FMR1: variants seen among roughly 807,000 people sequenced by gnomAD.
FMR1 encodes the protein fragile X messenger ribonucleoprotein 1.
Under a neutral mutation model 50.6 loss-of-function variants are expected in FMR1, and 13 were observed. The observed-to-expected ratio is 0.26, with a 90% confidence interval of 0.17 to 0.41. The LOEUF (loss-of-function observed/expected upper bound fraction) is 0.41, where lower values mean the gene tolerates loss of function less well. FMR1 is among the 10% of genes least tolerant of loss of function. FMR1 has a pLI of 1.00. For missense variants in FMR1, 316 were observed against 491.3 expected (o/e 0.64, Z 3.37); for synonymous variants, 138 against 164.1 (o/e 0.84, Z 1.22).
At chrX:147,916,332 A>G (rs1228257251) in intron 1 of FMR1, among the ~76,000 whole-genome samples, 1 of 112,158 alleles carries the variant, frequency 8.9e-6, no homozygotes, top group Non-Finnish European at 1.9e-5. Flanking sequence ...TTTGTAGCCT[A>G]TATGAAGTCC....
At chrX:147,935,759 GA>G (rs1466838202) in intron 9 of FMR1, among the ~76,000 whole-genome samples, 2 of 112,002 alleles carry the variant, frequency 1.8e-5, no homozygotes, top group Non-Finnish European at 3.8e-5. Context: ...AGATGTTACT[GA>G]AAAATACTTA....
At position 147,930,217 on chromosome X, in the gene FMR1, A is replaced by G; in HGVS notation, c.603A>G (p.Arg201=). ...GCACTAAGTTGTCTCTGATAATGAGAAATGAAGAAGCTAGTAAGCAGCTGG... is the reference window on the plus strand; with the variant it reads ...GCACTAAGTTGTCTCTGATAATGAGGAATGAAGAAGCTAGTAAGCAGCTGG... ...SLRTKLSLIM[R]NEEASKQLES... is the part of the protein sequence containing the mutation. Residue 201 remains arginine (R), a synonymous_variant, in exon 7 of 17, where the codon AGA becomes AGG. Coordinates refer to ENST00000370475, the MANE Select transcript of FMR1 (RefSeq NM_002024.6). 1 of 1,197,492 alleles carries G rather than the reference A, an allele frequency of 8.4e-7. No individual in the cohort carries two copies. Among genetic ancestry groups the G allele is most frequent in the Non-Finnish European group, 1.1e-6 (1 of 882,575 alleles).
chrX:147,918,051 T>C (rs1272758777), intron 1 of FMR1, among the ~76,000 whole-genome samples: 2 of 111,764 alleles, frequency 1.8e-5, no homozygotes, highest in Non-Finnish European at 1.9e-5. Flanking sequence ...ACATCAGCTT[T>C]GCCTGATAGG....
chrX:147,932,122 A>G (rs1353010069), intron 7 of FMR1, among the ~76,000 whole-genome samples: 3 of 111,839 alleles, frequency 2.7e-5, no homozygotes, highest in Non-Finnish European at 5.6e-5. Flanking sequence ...CTTAGTTATT[A>G]TATTGCTGAT....
chrX:147,946,781 A>G (rs1366751732), intron 16 of FMR1, among the ~76,000 whole-genome samples: 2 of 112,392 alleles, frequency 1.8e-5, no homozygotes, highest in Non-Finnish European at 3.8e-5. Context: ...ATTTGGGACC[A>G]TCACCCAAGA....
intron 9 of FMR1, among the ~76,000 whole-genome samples, chrX:147,935,950 A>G (rs1259338850): frequency 8.9e-6 from 1 of 112,217 alleles, no homozygotes; most frequent in Admixed American, 9.5e-5. Context: ...TTTTGGATGT[A>G]TGTATAGCTG....
chrX:147,945,482 GT>G (rs1443052729), intron 15 of FMR1, 51 bp from the exon 16 acceptor site: 1 of 1,000,394 alleles, frequency 1.0e-6, no homozygotes, highest in Non-Finnish European at 1.4e-6. Context: ...AGAACTTCCA[GT>G]AAGCATTTCA....
At chrX:147,927,572 C>T (rs2043434826) in intron 3 of FMR1, 1 of 111,599 alleles carries the variant, frequency 9.0e-6, no homozygotes, top group African/African-American at 3.3e-5. Context: ...CTGAGTATCC[C>T]TGTCTCTCTG....
At chrX:147,929,323 T>C (rs2043505262) in intron 5 of FMR1, among the ~76,000 whole-genome samples, 1 of 111,762 alleles carries the variant, frequency 8.9e-6, no homozygotes, top group African/African-American at 3.3e-5. Flanking sequence ...ATTAAGTGAA[T>C]ACAGTACGTT....
intron 12 of FMR1, 124 bp downstream of exon 12, chrX:147,938,285 G>A (rs2043860539): frequency 1.7e-6 from 1 of 588,267 alleles, no homozygotes; most frequent in African/African-American, 2.2e-5. Flanking sequence ...TTGTGGGTAT[G>A]TGGATCCATT....
rs781892784 is a variant in FMR1, at chrX:147,932,822, ATTT to A, written c.880+60_880+62del. 132 of 772,154 alleles carry A rather than the reference ATTT, an allele frequency of 1.7e-4. No individual in the cohort carries two copies. In the East Asian group the frequency reaches 4.1e-3, roughly 24 times the overall value. 63.6% of individuals were successfully genotyped at this position (772,154 alleles called of 1,213,427 possible). ...ACAACTAAGTTTAGGTAAACAGTTT[ATTT>A]ATAGTGATAGAATTCCATTTTTTCT... On this transcript the variant is annotated intron_variant, in intron 9 of 16. Transcript: ENST00000370475.
At chrX:147,945,654 A>T (rs782217705) in intron 16 of FMR1, 38 bp downstream of exon 16, 42 of 966,934 alleles carry the variant, frequency 4.3e-5, no homozygotes, top group Non-Finnish European at 5.6e-5. Context: ...TAATTGTTTG[A>T]ATATGGTAGT....
chrX:147,950,785 C>G lies in FMR1; in HGVS notation c.*1941C>G, dbSNP rs782586040. The G allele has an allele frequency of 9.7e-5, 30 of 308,145 alleles. No individual in the cohort carries two copies. Among genetic ancestry groups the G allele is most frequent in the South Asian group, 8.8e-4 (30 of 34,200 alleles). 25.4% of individuals were successfully genotyped at this position (308,145 alleles called of 1,213,427 possible). On this transcript the variant is annotated 3_prime_UTR_variant, in exon 17 of 17. Coordinates refer to ENST00000370475, the MANE Select transcript of FMR1 (RefSeq NM_002024.6). ...AAGTTAGCCTTTATCTACCAACTTT[C>G]AAGAACTTGTTTAATAAAGCGAAAA...
chrX:147,930,259 C>T lies in FMR1; in HGVS notation c.630+15C>T, dbSNP rs1402777833. 4 of 977,045 alleles carry T rather than the reference C, an allele frequency of 4.1e-6. No homozygotes were observed. The African/African-American group carries it at 7.6e-5, about 19-fold the overall frequency. The allele number at this position is 977,045 out of a possible 1,213,427, so 80.5% of individuals were successfully genotyped here. A position where few individuals can be genotyped will look rare whatever the true frequency, so the allele number is the denominator to read the frequency against. On this transcript the variant is annotated intron_variant, in intron 7 of 16. Transcript: ENST00000370475. ...AGCAGCTGGAGGTATGTCACTTTCCCTAGCACTGCTTGTAAGGGTACCTAG... is the reference window on the plus strand; with the variant it reads ...AGCAGCTGGAGGTATGTCACTTTCCTTAGCACTGCTTGTAAGGGTACCTAG...
At chrX:147,925,263 G>A (rs1026002467) in intron 2 of FMR1, among the ~76,000 whole-genome samples, 2 of 112,050 alleles carry the variant, frequency 1.8e-5, no homozygotes, top group East Asian at 5.6e-4. Context: ...GAAATTATTG[G>A]AAAGAAGACT....
chrX:147,921,822 G>C, intron 1 of FMR1, 111 bp from the exon 2 acceptor site: 1 of 514,153 alleles, frequency 1.9e-6, no homozygotes, highest in Non-Finnish European at 3.4e-6. Context: ...TTCATTTGAA[G>C]TTCTATTTTA....
At chrX:147,943,001 A>G in intron 13 of FMR1, 130 bp from the exon 14 acceptor site, 1 of 540,327 alleles carries the variant, frequency 1.9e-6, no homozygotes, top group Non-Finnish European at 3.1e-6. Context: ...ATTCTGTGTA[A>G]CAGTGTTTAC....
Position 147,951,014 on chromosome X carries a change from C to A in FMR1, c.*2170C>A. 4.0e-6 allele frequency: 1 copy of A among 249,491 alleles called. No homozygotes were observed. The allele number at this position is 249,491 out of a possible 1,213,427, so 20.6% of individuals were successfully genotyped here. On this transcript the variant is annotated 3_prime_UTR_variant, in exon 17 of 17. Coordinates refer to ENST00000370475, the MANE Select transcript of FMR1 (RefSeq NM_002024.6). Reference sequence around the variant, plus strand: ...TTGTGTGCTAAACGTGTATGTTTTTCAGTTCAAAGTCATGATGTTTTTAAA... The same window carrying A: ...TTGTGTGCTAAACGTGTATGTTTTTAAGTTCAAAGTCATGATGTTTTTAAA...
chrX:147,928,494 AT>A, intron 4 of FMR1, 101 bp downstream of exon 4: 1 of 766,358 alleles, frequency 1.3e-6, no homozygotes, highest in Non-Finnish European at 2.0e-6. Flanking sequence ...GTAATATCTA[AT>A]TTTGAGTAAT....
Sources: gnomAD v4.1 joint callset for allele counts (sites outside exome capture counted in the v4.1 genomes callset) on GRCh38, gnomAD v4.1.1 for gene constraint, MANE v1.5 for transcripts, NCBI Gene and HGNC (gene_info 2026-07-23, HGNC 2026-07-21) for gene names.